The following RANBP17 variants were observed in gnomAD, a reference collection of about 807,000 sequenced individuals.
RANBP17 encodes RAN binding protein 17.
Under a neutral mutation model 141.2 loss-of-function variants are expected in RANBP17, and 158 were observed. The ratio of observed to expected loss-of-function variants is 1.12; its 90% CI spans 0.98 to 1.28. The LOEUF (loss-of-function observed/expected upper bound fraction) is 1.28, where lower values mean the gene tolerates loss of function less well. Ranked by LOEUF, RANBP17 falls within the 50% of genes most tolerant of loss-of-function variation. RANBP17 has a pLI of 0.00. For missense variants in RANBP17, 1,438 were observed against 1,290.7 expected (o/e 1.11, Z -1.75); for synonymous variants, 430 against 450.0 (o/e 0.96, Z 0.56).
intron 18 of RANBP17, among the ~76,000 whole-genome samples, chr5:171,196,344 C>T (rs956649457): frequency 1.3e-5 from 2 of 152,178 alleles, no homozygotes; most frequent in African/African-American, 4.8e-5. Flanking sequence ...TCCTGCTATC[C>T]TTGTTTGCCT....
chr5:171,052,282 G>C (rs1290527096), intron 14 of RANBP17, among the ~76,000 whole-genome samples: 1 of 151,942 alleles, frequency 6.6e-6, no homozygotes, highest in African/African-American at 2.4e-5. Context: ...TCTATTCTTT[G>C]GTTGCTTGTG....
chr5:171,004,430 C>T (rs1035069671), intron 14 of RANBP17, among the ~76,000 whole-genome samples: 8 of 152,124 alleles, frequency 5.3e-5, no homozygotes, highest in Admixed American at 2.6e-4. Flanking sequence ...CAAGATGGCA[C>T]CAGACTGGGG....
intron 14 of RANBP17, among the ~76,000 whole-genome samples, chr5:171,070,986 A>G (rs894637539): frequency 1.3e-5 from 2 of 152,144 alleles, no homozygotes; most frequent in Non-Finnish European, 2.9e-5. Context: ...ATTCTGGTAC[A>G]TAACTGTTCT....
chr5:171,134,472 T>C (rs2127795249), intron 14 of RANBP17, among the ~76,000 whole-genome samples: 1 of 152,322 alleles, frequency 6.6e-6, no homozygotes, highest in Non-Finnish European at 1.5e-5. Context: ...GAATCTGTTT[T>C]TGAAGTTGTG....
chr5:171,082,725 A>T (rs1310332886), intron 14 of RANBP17, among the ~76,000 whole-genome samples: 1 of 152,142 alleles, frequency 6.6e-6, no homozygotes, highest in Non-Finnish European at 1.5e-5. Context: ...GAATTATTTT[A>T]GTTAACATAT....
At chr5:170,919,833 C>A (rs1210455765) in intron 11 of RANBP17, among the ~76,000 whole-genome samples, 2 of 152,022 alleles carry the variant, frequency 1.3e-5, no homozygotes, top group African/African-American at 4.8e-5. Flanking sequence ...CTCTCCTCAC[C>A]CTCATCTCTG....
intron 22 of RANBP17, among the ~76,000 whole-genome samples, chr5:171,235,738 A>T (rs1252065270): frequency 5.3e-5 from 8 of 151,908 alleles, no homozygotes; most frequent in African/African-American, 1.2e-4. Context: ...AGTAGCTGGG[A>T]CTGATGATGC....
intron 16 of RANBP17, among the ~76,000 whole-genome samples, chr5:171,174,751 A>AGTGTGTGT (rs57948503): frequency 0.036 from 4,832 of 135,654 alleles, 95 homozygotes; most frequent in Non-Finnish European, 0.041. Context: ...AAATATCTAG[A>AGTGTGTGT]GTGTGTGTGT....
intron 3 of RANBP17, among the ~76,000 whole-genome samples, chr5:170,882,789 A>G (rs1768824504): frequency 6.6e-6 from 1 of 152,242 alleles, no homozygotes; most frequent in Admixed American, 6.5e-5. Context: ...AAATGATTTT[A>G]TAAAGTAGCA....
chr5:171,242,314 A>G (rs1045182429), intron 23 of RANBP17, among the ~76,000 whole-genome samples: 2 of 152,220 alleles, frequency 1.3e-5, no homozygotes, highest in Non-Finnish European at 2.9e-5. Context: ...GCCAAATCCC[A>G]TTATAACAGC....
chr5:171,172,717 A>G (rs751686631), intron 16 of RANBP17, among the ~76,000 whole-genome samples: 4 of 151,558 alleles, frequency 2.6e-5, no homozygotes, highest in Non-Finnish European at 5.9e-5. Context: ...GATTTACCCT[A>G]TTTTTTTAGG....
intron 14 of RANBP17, among the ~76,000 whole-genome samples, chr5:170,996,301 A>G (rs1778811916): frequency 6.6e-6 from 1 of 152,194 alleles, no homozygotes; most frequent in Non-Finnish European, 1.5e-5. Flanking sequence ...ATAGTAGACA[A>G]TAATGTCAAT....
At chr5:171,063,857 T>C (rs1784100669) in intron 14 of RANBP17, among the ~76,000 whole-genome samples, 1 of 152,344 alleles carries the variant, frequency 6.6e-6, no homozygotes, top group Non-Finnish European at 1.5e-5. Flanking sequence ...CTAGCGAGCC[T>C]GGGCAATGGC....
At chr5:171,292,131 G>A (rs1242540148) in intron 25 of RANBP17, among the ~76,000 whole-genome samples, 1 of 152,148 alleles carries the variant, frequency 6.6e-6, no homozygotes, top group African/African-American at 2.4e-5. Context: ...CTATGACTTT[G>A]GGTGGCTTGT....
At position 170,881,909 on chromosome 5, in the gene RANBP17, T is replaced by C; in HGVS notation, c.256+13T>C. 6.4e-7 allele frequency: 1 copy of C among 1,550,526 alleles called. No individual in the cohort carries two copies. On this transcript the variant is annotated intron_variant, in intron 3 of 27. Coordinates refer to ENST00000523189, the MANE Select transcript of RANBP17 (RefSeq NM_022897.5). ...AGGATGGACATCAGTAAGTGGCTTA[T>C]TATGCTTTTTAACCAACTGCGCTTT... is the stretch of plus-strand genomic sequence containing the variant.
In RANBP17 at chr5:170,935,316, A is replaced by G. The variant is rs372878968; in HGVS notation, c.1468+10766A>G. 4.3e-4 allele frequency among the ~76,000 whole-genome samples: 66 copies of G among 152,328 alleles called. 1 individual carries two copies. In the South Asian group the frequency reaches 0.013, roughly 29 times the overall value. ...GAAGCCTTCTTCTCTCGAATCGTCA[A>G]AGTCATTCTCTGTCCAGCTTTGTTC... On this transcript the variant is annotated intron_variant, in intron 12 of 27. Transcript: ENST00000523189.
intron 18 of RANBP17, among the ~76,000 whole-genome samples, chr5:171,187,283 C>T (rs763891985): frequency 1.3e-5 from 2 of 151,946 alleles, no homozygotes; most frequent in Non-Finnish European, 2.9e-5. Flanking sequence ...CATCAAAGGG[C>T]ACAGATTACC....
chr5:170,979,403 G>A (rs765186431), intron 14 of RANBP17, among the ~76,000 whole-genome samples: 1 of 152,168 alleles, frequency 6.6e-6, no homozygotes, highest in Non-Finnish European at 1.5e-5. Context: ...CCTTGCAACT[G>A]TATCATAATG....
At chr5:171,171,910 T>A (rs1424675613) in intron 16 of RANBP17, among the ~76,000 whole-genome samples, 1 of 151,980 alleles carries the variant, frequency 6.6e-6, no homozygotes, top group Non-Finnish European at 1.5e-5. Flanking sequence ...ATTTTTAAAA[T>A]TCTAAAACCA....
Sources: allele counts gnomAD v4.1 joint callset (sites outside exome capture counted in the v4.1 genomes callset), GRCh38; gene constraint gnomAD v4.1.1; transcripts MANE v1.5; gene names NCBI Gene and HGNC (gene_info 2026-07-23, HGNC 2026-07-21).